The following SPNS3 variants were observed in gnomAD, a reference collection of about 807,000 sequenced individuals.
SPNS3 encodes the protein SPNS lysolipid transporter 3, sphingosine-1-phosphate (putative).
In SPNS3, 51 loss-of-function variants were observed where a neutral mutation model predicts 54.4. The ratio of observed to expected loss-of-function variants is 0.94; its 90% CI spans 0.75 to 1.18. The LOEUF is 1.18. Ranked by LOEUF, SPNS3 falls within the 50% of genes most tolerant of loss-of-function variation. The pLI is 0.00. For synonymous variants in SPNS3, 309 were observed against 294.7 expected (o/e 1.05, Z -0.50); for missense variants, 669 against 677.4 (o/e 0.99, Z 0.14).
At chr17:4,487,262 C>G (rs184733175) in intron 11 of SPNS3, among the ~76,000 whole-genome samples, 38 of 150,696 alleles carry the variant, frequency 2.5e-4, no homozygotes, top group Admixed American at 9.3e-4. Context: ...CTGGAGGAAA[C>G]GAGGGAGTGA....
intron 8 of SPNS3, among the ~76,000 whole-genome samples, chr17:4,476,644 G>A (rs759693536): frequency 6.6e-6 from 1 of 152,142 alleles, no homozygotes; most frequent in Non-Finnish European, 1.5e-5. Flanking sequence ...ATGTGGATCC[G>A]CAGCTGCCCG....
intron 8 of SPNS3, among the ~76,000 whole-genome samples, chr17:4,457,923 C>T (rs919119169): frequency 3.9e-5 from 6 of 152,136 alleles, no homozygotes; most frequent in South Asian, 2.1e-4. Context: ...CCTCCTCTGG[C>T]GCTGGGAAGC....
intron 1 of SPNS3, among the ~76,000 whole-genome samples, chr17:4,439,134 T>C (rs1970784718): frequency 6.6e-6 from 1 of 152,000 alleles, no homozygotes. Flanking sequence ...TTCTTTCTTT[T>C]TTTTTTGAGA....
Position 4,448,319 on chromosome 17 carries a change from AC to A in SPNS3, c.770+21del. ...TGGGGAAAAAGTGAGTATCCCTGCT[AC>A]CCCCTGCAAGGCACAGAAAAGCCCG... is the stretch of plus-strand genomic sequence containing the variant. On this transcript the variant is annotated intron_variant, in intron 6 of 11. Coordinates refer to ENST00000355530, the MANE Select transcript of SPNS3 (RefSeq NM_182538.5). The A allele has an allele frequency of 6.6e-7, 1 of 1,521,742 alleles. No homozygotes were observed. The highest frequency in any genetic ancestry group is 2.2e-5 in the Admixed American group (1 of 44,660). 94.3% of individuals were successfully genotyped at this position (1,521,742 alleles called of 1,614,324 possible).
intron 1 of SPNS3, among the ~76,000 whole-genome samples, chr17:4,435,976 T>C (rs371761484): frequency 9.4e-4 from 143 of 152,224 alleles, no homozygotes; most frequent in African/African-American, 3.4e-3. Flanking sequence ...AGGCTCCACT[T>C]GCTCTTCTCT....
chr17:4,451,964 C>T (rs1415312259), intron 7 of SPNS3, among the ~76,000 whole-genome samples: 1 of 152,072 alleles, frequency 6.6e-6, no homozygotes, highest in Non-Finnish European at 1.5e-5. Flanking sequence ...CAAGCTTAAG[C>T]CACCTTGCCT....
chr17:4,464,771 CCCAGGTTCAAGCGATTCT>C (rs1971633341), intron 8 of SPNS3, among the ~76,000 whole-genome samples: 1 of 152,110 alleles, frequency 6.6e-6, no homozygotes, highest in Non-Finnish European at 1.5e-5. Context: ...ACCTCCGCCT[CCCAGGTTCAAGCGATTCT>C]CCTGTCTCAA....
intron 8 of SPNS3, among the ~76,000 whole-genome samples, chr17:4,474,718 G>A (rs1971943918): frequency 6.6e-6 from 1 of 152,214 alleles, no homozygotes; most frequent in South Asian, 2.1e-4. Flanking sequence ...GTATGTGTGT[G>A]TGTGTGAGAG....
Position 4,478,593 on chromosome 17 carries a change from CT to C in SPNS3, c.1136del (p.Leu379ArgfsTer88). On this transcript the variant is annotated frameshift_variant, in exon 9 of 12. Coordinates refer to ENST00000355530, the MANE Select transcript of SPNS3 (RefSeq NM_182538.5). LOFTEE classifies it high-confidence loss of function. ...ACAGGTGTTCCTGGGCCTTGGGGAG[CT>C]GCTTCTGTCCTGCAACTGGGCAGTG... ...ASYVFLGLGE[L>X]LLSCNWAVVA... The C allele has an allele frequency of 6.3e-7, 1 of 1,584,582 alleles. No homozygotes were observed. The highest frequency in any genetic ancestry group is 8.6e-7 in the Non-Finnish European group (1 of 1,165,168).
Position 4,446,065 on chromosome 17 carries a change from C to T in SPNS3, c.420C>T (p.Phe140=). Residue 140 remains phenylalanine, a synonymous_variant, in exon 4 of 12, where the codon TTC becomes TTT. Coordinates refer to ENST00000355530, the MANE Select transcript of SPNS3 (RefSeq NM_182538.5). Reference sequence around the variant, plus strand: ...TCGCCCAGTATTCTTGGCTCTTCTTCCTGTCCCGGGGCATCGTGGGCACTG... The same window carrying T: ...TCGCCCAGTATTCTTGGCTCTTCTTTCTGTCCCGGGGCATCGTGGGCACTG... ...FISPRYSWLF[F]LSRGIVGTGS... The T allele has an allele frequency of 6.2e-7, 1 of 1,609,486 alleles. No individual in the cohort carries two copies. The highest frequency in any genetic ancestry group is 8.5e-7 in the Non-Finnish European group (1 of 1,176,802).
At chr17:4,465,993 G>C (rs969159137) in intron 8 of SPNS3, among the ~76,000 whole-genome samples, 3 of 152,176 alleles carry the variant, frequency 2.0e-5, no homozygotes, top group Non-Finnish European at 4.4e-5. Flanking sequence ...ACCCGGACTC[G>C]AGTGCTCACC....
At chr17:4,458,576 TCTTCCTTCCCTC>T (rs760290622) in intron 8 of SPNS3, among the ~76,000 whole-genome samples, 4,790 of 94,684 alleles carry the variant, frequency 0.051, 239 homozygotes, top group Non-Finnish European at 0.082. Context: ...CTCCTTTCTT[TCTTCCTTCCCTC>T]CTTTCTTTCT....
rs764717417 is a variant in SPNS3 at position 4,453,183 on chromosome 17, C to G, written c.1091C>G (p.Pro364Arg). The change falls in exon 8 of 12, where the codon CCG becomes CGG. Residue 364 changes from proline (P) to arginine (R), a missense_variant. By Grantham distance (103) the Pro-to-Arg change is moderately radical. Coordinates refer to ENST00000355530, the MANE Select transcript of SPNS3 (RefSeq NM_182538.5). ...PCLYLALVLAPTTLLASYVFL... is the reference protein window; with the variant it reads ...PCLYLALVLARTTLLASYVFL... The stretch of plus-strand genomic sequence containing the variant: ...CTCTACCTGGCTCTCGTCCTGGCCC[C>G]GACCACCCTGCTGGCCTCCTATGTA... The G allele has an allele frequency of 6.2e-7, 1 of 1,613,308 alleles. No homozygotes were observed. Among genetic ancestry groups the G allele is most frequent in the South Asian group, 1.1e-5 (1 of 91,072 alleles).
At chr17:4,447,322 G>A (rs180997382) in intron 5 of SPNS3, among the ~76,000 whole-genome samples, 1 of 152,228 alleles carries the variant, frequency 6.6e-6, no homozygotes, top group African/African-American at 2.4e-5. Context: ...CAGGGTCAGG[G>A]TGTAGAGTAG....
chr17:4,484,228 T>C (rs1388548548), intron 9 of SPNS3, among the ~76,000 whole-genome samples: 5 of 152,208 alleles, frequency 3.3e-5, no homozygotes, highest in African/African-American at 4.8e-5. Flanking sequence ...TCTGTAAAAA[T>C]GCAGGTGATC....
intron 8 of SPNS3, among the ~76,000 whole-genome samples, chr17:4,462,754 A>T (rs796909803): frequency 1.5e-4 from 3 of 20,386 alleles, no homozygotes; most frequent in Non-Finnish European, 2.4e-4. Context: ...TCCATCCACC[A>T]ATCCATCCAT....
intron 1 of SPNS3, among the ~76,000 whole-genome samples, chr17:4,435,744 A>G (rs926858321): frequency 2.0e-5 from 3 of 148,122 alleles, no homozygotes; most frequent in African/African-American, 7.3e-5. Context: ...TCACTCATTC[A>G]CTAACTCACT....
At chr17:4,462,165 C>G (rs1405081595) in intron 8 of SPNS3, among the ~76,000 whole-genome samples, 1 of 18 alleles carries the variant, frequency 0.056, no homozygotes, top group Non-Finnish European at 0.17. Flanking sequence ...ATCCATCCAT[C>G]CATCCATCCA....
chr17:4,462,833 CCATT>C lies in SPNS3; in HGVS notation c.1113+9631_1113+9634del, dbSNP rs1567566806. Among the ~76,000 whole-genome samples, 14 of 124,040 alleles carry C rather than the reference CCATT, an allele frequency of 1.1e-4. 1 individual carries two copies. Among genetic ancestry groups the C allele is most frequent in the Admixed American group, 1.7e-4 (2 of 11,734 alleles). The allele number at this position is 124,040 out of a possible 152,430, so 81.4% of individuals were successfully genotyped here. On this transcript the variant is annotated intron_variant, in intron 8 of 11. Coordinates refer to ENST00000355530, the MANE Select transcript of SPNS3 (RefSeq NM_182538.5). ...TCTATCCATCCATCCATCCATCCATCCATTCAACCACGCACCCACCCACCCACCC... is the reference window on the plus strand; with the variant it reads ...TCTATCCATCCATCCATCCATCCATCCAACCACGCACCCACCCACCCACCC...
Sources: allele counts gnomAD v4.1 joint callset (sites outside exome capture counted in the v4.1 genomes callset), GRCh38; gene constraint gnomAD v4.1.1; transcripts MANE v1.5; gene names NCBI Gene and HGNC (gene_info 2026-07-23, HGNC 2026-07-21).